The following SCHIP1 variants were observed in gnomAD, a reference collection of about 807,000 sequenced individuals.
SCHIP1 encodes the protein schwannomin interacting protein 1.
In SCHIP1, 8 loss-of-function variants were observed where a neutral mutation model predicts 29.7. That is an observed-to-expected ratio of 0.27 (90% CI 0.16 to 0.49). The LOEUF (loss-of-function observed/expected upper bound fraction) is 0.49, where lower values mean the gene tolerates loss of function less well. Among genes scored for constraint, SCHIP1 ranks in the 20% least tolerant of loss-of-function variants. The pLI is 0.99. For synonymous variants in SCHIP1, 76 were observed against 94.9 expected (o/e 0.80, Z 1.16); for missense variants, 193 against 294.6 (o/e 0.66, Z 2.52).
the SCHIP1 span, among the ~76,000 whole-genome samples, chr3:159,632,158 GA>G: frequency 6.6e-6 from 1 of 152,180 alleles, no homozygotes; most frequent in African/African-American, 2.4e-5. Flanking sequence ...TTGAGGACTA[GA>G]AAAATGTGGC....
At chr3:159,618,984 A>C in the SCHIP1 span, among the ~76,000 whole-genome samples, 1 of 152,244 alleles carries the variant, frequency 6.6e-6, no homozygotes, top group Non-Finnish European at 1.5e-5. Flanking sequence ...TTGGCAGGGT[A>C]AACAGCACCA....
At chr3:159,542,587 T>A in the SCHIP1 span, among the ~76,000 whole-genome samples, 1 of 152,032 alleles carries the variant, frequency 6.6e-6, no homozygotes, top group Non-Finnish European at 1.5e-5. Context: ...ATTGTATGGA[T>A]ATACAAAGTG....
the SCHIP1 span, among the ~76,000 whole-genome samples, chr3:159,325,874 T>G: frequency 6.6e-6 from 1 of 152,108 alleles, no homozygotes; most frequent in Non-Finnish European, 1.5e-5. Context: ...GTAATAGTAA[T>G]AGCTTTATAT....
chr3:159,668,376 C>CAAAAAAAAAAAAAAAAAAAAAA, the SCHIP1 span, among the ~76,000 whole-genome samples: 71 of 46,358 alleles, frequency 1.5e-3, 1 homozygote, highest in African/African-American at 6.1e-3. Context: ...GACTCCGTCT[C>CAAAAAAAAAAAAAAAAAAAAAA]AAAAAAAAAA....
the SCHIP1 span, among the ~76,000 whole-genome samples, chr3:159,369,515 G>C: frequency 1.4e-4 from 21 of 152,026 alleles, no homozygotes; most frequent in Admixed American, 1.3e-3. Context: ...CTCAATTTGG[G>C]GGGGGAATAA....
the SCHIP1 span, among the ~76,000 whole-genome samples, chr3:159,295,277 C>CA: frequency 1.1e-4 from 14 of 130,936 alleles, no homozygotes; most frequent in African/African-American, 4.2e-4. Context: ...AAAAAAAAAA[C>CA]AACTAGCCAG....
chr3:159,793,903 G>C, the SCHIP1 span, among the ~76,000 whole-genome samples: 18 of 152,116 alleles, frequency 1.2e-4, no homozygotes, highest in African/African-American at 4.3e-4. Context: ...TGCATTGCTT[G>C]GGTCATGGCC....
the SCHIP1 span, among the ~76,000 whole-genome samples, chr3:159,571,116 A>G: frequency 6.6e-6 from 1 of 152,026 alleles, no homozygotes; most frequent in African/African-American, 2.4e-5. Context: ...TCATTTCCTA[A>G]CTGAATACCC....
the SCHIP1 span, among the ~76,000 whole-genome samples, chr3:159,746,092 A>G: frequency 6.6e-6 from 1 of 152,228 alleles, no homozygotes; most frequent in Non-Finnish European, 1.5e-5. Context: ...TCATTGTACT[A>G]TACAATTACG....
At chr3:159,719,916 C>A in the SCHIP1 span, among the ~76,000 whole-genome samples, 6 of 152,138 alleles carry the variant, frequency 3.9e-5, no homozygotes, top group East Asian at 3.9e-4. Context: ...TCATGCTGCT[C>A]TAAAGACACA....
At chr3:159,666,885 G>A in the SCHIP1 span, among the ~76,000 whole-genome samples, 18 of 152,264 alleles carry the variant, frequency 1.2e-4, no homozygotes, top group East Asian at 3.9e-4. Context: ...TGTCTACATC[G>A]GTCAAGGTTT....
the SCHIP1 span, among the ~76,000 whole-genome samples, chr3:159,307,847 T>G: frequency 2.0e-5 from 3 of 152,140 alleles, no homozygotes; most frequent in African/African-American, 7.2e-5. Flanking sequence ...CCCCATTGCT[T>G]GTTTTTGTTG....
chr3:159,784,011 G>A, the SCHIP1 span, among the ~76,000 whole-genome samples: 75 of 152,312 alleles, frequency 4.9e-4, no homozygotes, highest in Non-Finnish European at 9.6e-4. Flanking sequence ...TGCTTTGCAG[G>A]CAGGTCCAAG....
chr3:159,648,268 G>C, the SCHIP1 span, among the ~76,000 whole-genome samples: 6 of 152,244 alleles, frequency 3.9e-5, no homozygotes, highest in African/African-American at 1.2e-4. Context: ...CTGATGTCAT[G>C]CACATCTGCC....
At chr3:159,786,118 C>T in the SCHIP1 span, among the ~76,000 whole-genome samples, 1 of 152,038 alleles carries the variant, frequency 6.6e-6, no homozygotes, top group Non-Finnish European at 1.5e-5. Context: ...TTATTTTTAT[C>T]CCAAGATTTT....
chr3:159,295,803 T>C, the SCHIP1 span, among the ~76,000 whole-genome samples: 2 of 152,250 alleles, frequency 1.3e-5, no homozygotes, highest in African/African-American at 4.8e-5. Flanking sequence ...TGGTTGATGT[T>C]GACCTTTGTA....
intron 1 of SCHIP1, among the ~76,000 whole-genome samples, chr3:159,865,251 C>T (rs558305405): frequency 1.5e-3 from 234 of 152,278 alleles, no homozygotes; most frequent in Non-Finnish European, 2.8e-3. Flanking sequence ...TCATCCTTAG[C>T]CCAGGATTTT....
At chr3:159,435,170 CAG>C in the SCHIP1 span, among the ~76,000 whole-genome samples, 1 of 152,150 alleles carries the variant, frequency 6.6e-6, no homozygotes, top group African/African-American at 2.4e-5. Flanking sequence ...CTCCAAGCTT[CAG>C]AGTTATCATC....
At chr3:159,626,086 TTATA>T in the SCHIP1 span, among the ~76,000 whole-genome samples, 130 of 103,624 alleles carry the variant, frequency 1.3e-3, 7 homozygotes, top group Admixed American at 3.5e-3. Flanking sequence ...AGAGTGCAGC[TTATA>T]TAGATAGATA....
Sources: gnomAD v4.1 joint callset for allele counts (sites outside exome capture counted in the v4.1 genomes callset) on GRCh38, gnomAD v4.1.1 for gene constraint, MANE v1.5 for transcripts, NCBI Gene and HGNC (gene_info 2026-07-23, HGNC 2026-07-21) for gene names.